ANO1: variants seen among roughly 807,000 people sequenced by gnomAD.
ANO1 encodes anoctamin 1.
In ANO1, 59 loss-of-function variants were observed where a neutral mutation model predicts 124.0. The ratio of observed to expected loss-of-function variants is 0.48; its 90% confidence interval spans 0.39 to 0.59. The LOEUF (loss-of-function observed/expected upper bound fraction) is 0.59. Ranked by LOEUF, ANO1 falls within the 20% of genes least tolerant of loss-of-function variation. ANO1 has a pLI of 0.00. For synonymous variants in ANO1, 529 were observed against 532.0 expected (o/e 0.99, Z 0.08); for missense variants, 1,059 against 1,328.0 (o/e 0.80, Z 3.15).
chr11:70,161,143 C>T lies in ANO1; in HGVS notation c.1579-18C>T, dbSNP rs1408035658. 8.1e-6 allele frequency: 13 copies of T among 1,608,140 alleles called. No individual in the cohort carries two copies. Among genetic ancestry groups the T allele is most frequent in the Non-Finnish European group, 1.0e-5 (12 of 1,177,442 alleles). On this transcript the variant is annotated intron_variant, in intron 16 of 25. Transcript: ENST00000355303. ...CTGGGTGGGCCCCCAACCAAGAGTG[C>T]CCCTTTCCCCCCTGCAGATTGCAGT...
At chr11:70,181,517 C>T (rs1386438321) in intron 23 of ANO1, among the ~76,000 whole-genome samples, 2 of 152,240 alleles carry the variant, frequency 1.3e-5, no homozygotes, top group Admixed American at 1.3e-4. Flanking sequence ...AGGCAGGGCC[C>T]ATGCTGTGCT....
rs186339706 is a variant in ANO1, at chr11:70,103,264, T to C, written c.540+100T>C. 202 of 823,454 alleles carry C rather than the reference T, an allele frequency of 2.5e-4. No individual in the cohort carries two copies. In the East Asian group the frequency reaches 5.8e-3, roughly 23 times the overall value. The allele number at this position is 823,454 out of a possible 1,614,324, so 51.0% of individuals were successfully genotyped here. A position where few individuals can be genotyped will look rare whatever the true frequency, so the allele number is the denominator to read the frequency against. On this transcript the variant is annotated intron_variant, in intron 3 of 25. Coordinates refer to ENST00000355303, the MANE Select transcript of ANO1 (RefSeq NM_018043.7). ...GCCGACCTCGAGGCCCTGAGTTTTA[T>C]AAAAAAAAAACCCAGTGGGCTTCAC... is the stretch of plus-strand genomic sequence containing the variant.
chr11:69,986,088 G>T, exon 1 of ANO1: 1 of 152,466 alleles, frequency 6.6e-6, no homozygotes, highest in Non-Finnish European at 1.5e-5. Flanking sequence ...GGGTGCACCG[G>T]AGTCGCGCAG....
intron 1 of ANO1, among the ~76,000 whole-genome samples, chr11:70,079,264 G>A (rs1191864214): frequency 2.6e-5 from 4 of 152,130 alleles, no homozygotes; most frequent in Non-Finnish European, 2.9e-5. Flanking sequence ...TTGTGCCCAG[G>A]GCACTGGGCC....
chr11:70,095,406 G>GA (rs1380688571), intron 2 of ANO1, among the ~76,000 whole-genome samples: 1,866 of 50,668 alleles, frequency 0.037, 189 homozygotes, highest in Admixed American at 0.1. Flanking sequence ...AAGAAAGAAA[G>GA]AAAGAAAGAA....
At chr11:70,166,411 C>T (rs1289099470) in intron 20 of ANO1, among the ~76,000 whole-genome samples, 1 of 152,216 alleles carries the variant, frequency 6.6e-6, no homozygotes, top group African/African-American at 2.4e-5. Context: ...ACCCCACTCC[C>T]CATGCTGGCT....
chr11:70,037,601 C>G (rs1037107638), intron 1 of ANO1, among the ~76,000 whole-genome samples: 1 of 152,070 alleles, frequency 6.6e-6, no homozygotes, highest in Non-Finnish European at 1.5e-5. Flanking sequence ...AAACCTGCCT[C>G]TACTGCATGA....
rs529820807 is a variant in ANO1 at position 70,112,991 on chromosome 11, C to T, written c.855+1229C>T. On this transcript the variant is annotated intron_variant, in intron 7 of 25. Transcript: ENST00000355303. ...AAGGAGTCTAGGCAGATCTGCTGCCCGTCACCTCGTCGCCTCCCTGTCAGG... is the reference window on the plus strand; with the variant it reads ...AAGGAGTCTAGGCAGATCTGCTGCCTGTCACCTCGTCGCCTCCCTGTCAGG... 5.9e-5 allele frequency among the ~76,000 whole-genome samples: 9 copies of T among 152,282 alleles called. No individual in the cohort carries two copies. In the South Asian group the frequency reaches 6.2e-4, roughly 11 times the overall value.
At chr11:70,076,314 A>T (rs114496802), upstream of ANO1, among the ~76,000 whole-genome samples, 41 of 152,278 alleles carry the variant, frequency 2.7e-4, no homozygotes, top group African/African-American at 9.9e-4. Context: ...CACCTTGCCT[A>T]GGAGATGGCC....
At position 70,078,453 on chromosome 11, in the gene ANO1, G is replaced by C. The variant is rs1224706844; in HGVS notation, c.-154G>C. The C allele has an allele frequency of 5.7e-6, 1 of 175,480 alleles. No individual in the cohort carries two copies. Among genetic ancestry groups the C allele is most frequent in the East Asian group, 2.0e-4 (1 of 5,064 alleles). 10.9% of individuals were successfully genotyped at this position (175,480 alleles called of 1,614,324 possible). On this transcript the variant is annotated 5_prime_UTR_variant, in exon 1 of 26. Transcript: ENST00000355303. The stretch of plus-strand genomic sequence containing the variant: ...GGCGGGCCAGGGCGGCGGGCGGAGC[G>C]GGAGGCGGCCACGTCCCCGGCGGGC...
chr11:69,972,136 A>C, the ANO1 span, among the ~76,000 whole-genome samples: 3 of 145,850 alleles, frequency 2.1e-5, no homozygotes, highest in African/African-American at 5.0e-5. Context: ...GTAGTGAGCC[A>C]AGATCATGCT....
chr11:70,120,478 G>C (rs1213876240), intron 8 of ANO1, among the ~76,000 whole-genome samples: 1 of 152,156 alleles, frequency 6.6e-6, no homozygotes, highest in Non-Finnish European at 1.5e-5. Context: ...GGGGTGGCTT[G>C]GGTTGTGGGG....
At position 70,042,548 on chromosome 11, in the gene ANO1, T is replaced by TGAGAGAGA. The variant is rs146754285; in HGVS notation, c.59-35979_59-35972dup. Among the ~76,000 whole-genome samples the TGAGAGAGA allele has an allele frequency of 4.1e-3, 557 of 136,326 alleles. 2 individuals are homozygous for TGAGAGAGA. The highest frequency in any genetic ancestry group is 0.014 in the African/African-American group (514 of 36,764). 89.4% of individuals were successfully genotyped at this position (136,326 alleles called of 152,430 possible). ...GAGAGAGAGAGAGAGATTGAGAGAT[T>TGAGAGAGA]GAGAGAGAGAGAGAGAGAGAGAAAT... On this transcript the variant is annotated intron_variant, in intron 1 of 27. Transcript: ENST00000531349.
intron 5 of ANO1, among the ~76,000 whole-genome samples, chr11:70,106,144 G>A (rs905038067): frequency 2.6e-5 from 4 of 152,146 alleles, no homozygotes; most frequent in African/African-American, 4.8e-5. Flanking sequence ...GCCACGATTC[G>A]GGGCTTTCAG....
At chr11:70,002,206 T>C (rs556758067) in intron 1 of ANO1, among the ~76,000 whole-genome samples, 1 of 152,198 alleles carries the variant, frequency 6.6e-6, no homozygotes, top group African/African-American at 2.4e-5. Context: ...ATCCCAGCAC[T>C]TTGGGAGACC....
chr11:70,014,015 GAGA>G (rs1565160803), intron 1 of ANO1, among the ~76,000 whole-genome samples: 3 of 151,582 alleles, frequency 2.0e-5, no homozygotes, highest in African/African-American at 7.3e-5. Context: ...GAGAGAGAGA[GAGA>G]GATCTCTGGT....
the ANO1 span, among the ~76,000 whole-genome samples, chr11:69,967,224 C>A: frequency 3.4e-5 from 5 of 148,058 alleles, no homozygotes; most frequent in African/African-American, 1.2e-4. Context: ...CTCCGAGCGC[C>A]CGTATCACAC....
At chr11:70,084,679 A>T (rs1460038425) in intron 1 of ANO1, among the ~76,000 whole-genome samples, 1 of 152,164 alleles carries the variant, frequency 6.6e-6, no homozygotes, top group Non-Finnish European at 1.5e-5. Flanking sequence ...CTGCTGCCCC[A>T]CACTGTCCAG....
intron 11 of ANO1, among the ~76,000 whole-genome samples, chr11:70,147,420 G>T (rs2047426390): frequency 6.6e-6 from 1 of 152,302 alleles, no homozygotes; most frequent in Non-Finnish European, 1.5e-5. Context: ...GGGGTTGGGG[G>T]CCTCCTGCTG....
Sources: allele counts gnomAD v4.1 joint callset (sites outside exome capture counted in the v4.1 genomes callset), GRCh38; gene constraint gnomAD v4.1.1; transcripts MANE v1.5; gene names NCBI Gene and HGNC (gene_info 2026-07-23, HGNC 2026-07-21).